RGS7: variants seen among roughly 807,000 people sequenced by gnomAD.
RGS7 encodes regulator of G protein signaling 7, also known as regulator of G-protein signaling 7.
Under a neutral mutation model 81.1 loss-of-function variants are expected in RGS7, and 27 were observed. That is an observed-to-expected ratio of 0.33 (90% CI 0.25 to 0.46). The LOEUF (loss-of-function observed/expected upper bound fraction) is 0.46. Ranked by LOEUF, RGS7 falls within the 20% of genes least tolerant of loss-of-function variation. RGS7 has a pLI of 1.00. For synonymous variants in RGS7, 208 were observed against 207.7 expected, an observed-to-expected ratio of 1.00 and a Z score of -0.01; for missense variants, 396 against 607.4, an observed-to-expected ratio of 0.65 and a Z score of 3.66.
At chr1:241,338,892 TTAA>T (rs2082384340) in intron 2 of RGS7, among the ~76,000 whole-genome samples, 1 of 151,972 alleles carries the variant, frequency 6.6e-6, no homozygotes, top group African/African-American at 2.4e-5. Context: ...CTTGCACATA[TTAA>T]TTTTTTTTAA....
At chr1:241,147,660 C>A (rs923247489) in intron 2 of RGS7, among the ~76,000 whole-genome samples, 9 of 151,132 alleles carry the variant, frequency 6.0e-5, no homozygotes, top group Non-Finnish European at 1.2e-4. Flanking sequence ...CATATAATTT[C>A]TATGCAGGTT....
intron 4 of RGS7, among the ~76,000 whole-genome samples, chr1:240,968,928 T>A (rs749432789): frequency 1.3e-5 from 2 of 152,202 alleles, no homozygotes; most frequent in Non-Finnish European, 2.9e-5. Context: ...GGGGAAAACC[T>A]AACTCATTCC....
rs139664419 is a variant in RGS7, at chr1:241,171,494, A to G, written c.79-72732T>C. Among the ~76,000 whole-genome samples the G allele has an allele frequency of 6.1e-3, 933 of 152,338 alleles. 10 individuals are homozygous for G. The highest frequency in any genetic ancestry group is 0.021 in the African/African-American group (888 of 41,588). ...AATTCAATAGACTCATTTATTGAGC[A>G]TTCATATGACCCACGTTTCATAAAA... On this transcript the variant is annotated intron_variant, in intron 2 of 18. Coordinates refer to ENST00000440928, the MANE Select transcript of RGS7 (RefSeq NM_001364886.1).
intron 2 of RGS7, among the ~76,000 whole-genome samples, chr1:241,178,400 T>G (rs2071337424): frequency 6.6e-6 from 1 of 152,172 alleles, no homozygotes; most frequent in South Asian, 2.1e-4. Context: ...AAAATTTGGA[T>G]GCATTTGAAG....
intron 3 of RGS7, among the ~76,000 whole-genome samples, chr1:241,094,632 CAAAGA>C (rs745593840): frequency 3.9e-4 from 59 of 152,082 alleles, no homozygotes; most frequent in Admixed American, 1.3e-3. Flanking sequence ...AAAACAAAAA[CAAAGA>C]AAAGTCTTAG....
chr1:241,257,568 C>T (rs986712594), intron 2 of RGS7, among the ~76,000 whole-genome samples: 1 of 152,124 alleles, frequency 6.6e-6, no homozygotes, highest in Non-Finnish European at 1.5e-5. Flanking sequence ...ATGTTTTTAT[C>T]TAATTTAAGG....
At chr1:240,833,559 A>T (rs1694199259) in intron 9 of RGS7, among the ~76,000 whole-genome samples, 1 of 152,166 alleles carries the variant, frequency 6.6e-6, no homozygotes, top group African/African-American at 2.4e-5. Context: ...TTTGGCTTAC[A>T]GTGGCTTTAT....
intron 1 of RGS7, 80 bp from the exon 2 acceptor site, chr1:241,355,906 C>T (rs1173962902): frequency 5.1e-6 from 4 of 778,078 alleles, no homozygotes; most frequent in African/African-American, 5.1e-5. Context: ...GCACCCACCC[C>T]ACATGGCGCG....
rs148210798 is a variant in RGS7 at position 241,352,916 on chromosome 1, A to G, written c.78+2783T>C. Reference sequence around the variant, plus strand: ...AAGATAAAATGGAAACAGCACATACATATCTTGAGTGTGTGTAAATCATCA... The same window carrying G: ...AAGATAAAATGGAAACAGCACATACGTATCTTGAGTGTGTGTAAATCATCA... On this transcript the variant is annotated intron_variant, in intron 2 of 18. Transcript: ENST00000440928. Among the ~76,000 whole-genome samples the G allele has an allele frequency of 2.6e-4, 39 of 152,356 alleles. No individual in the cohort carries two copies. The East Asian group carries it at 6.7e-3, about 26-fold the overall frequency.
intron 4 of RGS7, among the ~76,000 whole-genome samples, chr1:240,954,984 C>T (rs1680131679): frequency 6.6e-6 from 1 of 152,058 alleles, no homozygotes; most frequent in Non-Finnish European, 1.5e-5. Flanking sequence ...TTTAACAATG[C>T]CATTCACAAT....
In RGS7 at chr1:241,056,318, T is replaced by C. The variant is rs530245596; in HGVS notation, c.175+42348A>G. Among the ~76,000 whole-genome samples, 570 of 152,308 alleles carry C rather than the reference T, an allele frequency of 3.7e-3. 3 individuals carry two copies. Among genetic ancestry groups the C allele is most frequent in the Non-Finnish European group, 4.7e-3 (320 of 68,006 alleles). On this transcript the variant is annotated intron_variant, in intron 3 of 18. Coordinates refer to ENST00000440928, the MANE Select transcript of RGS7 (RefSeq NM_001364886.1). ...GCATCTTATCTCTAAAGTAACACCT[T>C]CCGTACTGTTCATCTCACCACAGCT...
At chr1:240,995,612 GT>G (rs1027318256) in intron 3 of RGS7, among the ~76,000 whole-genome samples, 6 of 151,806 alleles carry the variant, frequency 4.0e-5, no homozygotes, top group Admixed American at 2.6e-4. Flanking sequence ...CAAATTATGT[GT>G]TTAAGTTTAT....
chr1:241,195,673 A>G (rs527308085), intron 2 of RGS7, among the ~76,000 whole-genome samples: 1 of 152,230 alleles, frequency 6.6e-6, no homozygotes, highest in Admixed American at 6.5e-5. Context: ...ATAAAAACAA[A>G]GAAAATATAA....
At chr1:241,130,944 A>AAAAAAAAAAAAAAAC (rs1491202997) in intron 2 of RGS7, among the ~76,000 whole-genome samples, 5 of 150,122 alleles carry the variant, frequency 3.3e-5, no homozygotes, top group African/African-American at 1.3e-4. Context: ...AAAAAAAAAA[A>AAAAAAAAAAAAAAAC]ACCAAGAGGC....
chr1:240,846,763 A>G (rs958405095), intron 9 of RGS7, among the ~76,000 whole-genome samples: 10 of 152,190 alleles, frequency 6.6e-5, no homozygotes, highest in African/African-American at 2.4e-4. Context: ...ATATACAAAC[A>G]TGAGGTTTTG....
At chr1:240,976,676 A>G (rs1345723946) in intron 4 of RGS7, among the ~76,000 whole-genome samples, 1 of 152,132 alleles carries the variant, frequency 6.6e-6, no homozygotes, top group East Asian at 1.9e-4. Flanking sequence ...TGCTCTATGA[A>G]TTTCAGAAGT....
intron 2 of RGS7, among the ~76,000 whole-genome samples, chr1:241,116,329 T>C (rs1321971916): frequency 6.6e-6 from 1 of 152,208 alleles, no homozygotes; most frequent in African/African-American, 2.4e-5. Context: ...CAGTTTATTA[T>C]GCCAATTTAT....
At chr1:241,042,194 A>G (rs1001165186) in intron 3 of RGS7, among the ~76,000 whole-genome samples, 4 of 152,148 alleles carry the variant, frequency 2.6e-5, no homozygotes, top group Non-Finnish European at 5.9e-5. Flanking sequence ...TCTCTTAACT[A>G]CAATCTATGC....
chr1:240,952,188 T>TAAAG (rs943570300), intron 4 of RGS7, among the ~76,000 whole-genome samples: 192 of 152,114 alleles, frequency 1.3e-3, no homozygotes, highest in African/African-American at 4.4e-3. Context: ...TCTACATACA[T>TAAAG]AAAGAAAGAA....
Sources: allele counts gnomAD v4.1 joint callset (sites outside exome capture counted in the v4.1 genomes callset), GRCh38; gene constraint gnomAD v4.1.1; transcripts MANE v1.5; gene names NCBI Gene and HGNC (gene_info 2026-07-23, HGNC 2026-07-21).